Variants in CRTAC1 observed in about 807,000 individuals in gnomAD.
CRTAC1 encodes cartilage acidic protein 1, also known as acidic secreted protein in cartilage.
Under a neutral mutation model 67.8 loss-of-function variants are expected in CRTAC1, and 37 were observed. The ratio of observed to expected loss-of-function variants is 0.55; its 90% CI spans 0.42 to 0.72. CRTAC1 has a LOEUF of 0.72. Among genes scored for constraint, CRTAC1 ranks in the 30% least tolerant of loss-of-function variants. The pLI is 0.00. For missense variants in CRTAC1, 780 were observed against 931.6 expected (o/e 0.84, Z 2.12); for synonymous variants, 348 against 371.0 (o/e 0.94, Z 0.71).
intron 14 of CRTAC1, among the ~76,000 whole-genome samples, chr10:97,871,958 C>T (rs1277011188): frequency 6.6e-6 from 1 of 152,208 alleles, no homozygotes; most frequent in African/African-American, 2.4e-5. Context: ...CACCTGAGAA[C>T]AGTGCTGAGT....
intron 8 of CRTAC1, among the ~76,000 whole-genome samples, chr10:97,899,585 G>T (rs1181119495): frequency 6.6e-6 from 1 of 152,240 alleles, no homozygotes; most frequent in African/African-American, 2.4e-5. Flanking sequence ...TTGATCTTCT[G>T]CAATTTATCT....
At chr10:97,939,193 A>G (rs899399753) in intron 2 of CRTAC1, among the ~76,000 whole-genome samples, 1 of 152,122 alleles carries the variant, frequency 6.6e-6, no homozygotes, top group Admixed American at 6.5e-5. Flanking sequence ...CTCCTCACAT[A>G]TTGGAGTCCA....
At chr10:97,964,442 A>C (rs1484685238) in intron 2 of CRTAC1, among the ~76,000 whole-genome samples, 1 of 152,232 alleles carries the variant, frequency 6.6e-6, no homozygotes, top group Non-Finnish European at 1.5e-5. Flanking sequence ...AGAATGAATG[A>C]ATGAGCCCTT....
At chr10:97,936,014 C>A (rs2051080296) in intron 3 of CRTAC1, among the ~76,000 whole-genome samples, 156 bp downstream of exon 3, 1 of 152,130 alleles carries the variant, frequency 6.6e-6, no homozygotes, top group Admixed American at 6.5e-5. Flanking sequence ...ATAAGTCATT[C>A]TGGGACCCAG....
At chr10:97,952,123 C>G (rs999275664) in intron 2 of CRTAC1, among the ~76,000 whole-genome samples, 1 of 152,112 alleles carries the variant, frequency 6.6e-6, no homozygotes, top group Admixed American at 6.5e-5. Flanking sequence ...GAGGCCGAGG[C>G]GGGCAGATCA....
intron 2 of CRTAC1, among the ~76,000 whole-genome samples, chr10:97,991,405 C>T (rs576104522): frequency 3.1e-4 from 38 of 122,262 alleles, no homozygotes; most frequent in Non-Finnish European, 5.2e-4. Flanking sequence ...AGAGGGGAAC[C>T]CTGTCTTTTA....
chr10:98,008,603 G>GA (rs1328133212), intron 2 of CRTAC1, among the ~76,000 whole-genome samples: 1 of 152,150 alleles, frequency 6.6e-6, no homozygotes, highest in Admixed American at 6.5e-5. Context: ...TCCATGCTCT[G>GA]AAAGGCTTTC....
intron 11 of CRTAC1, among the ~76,000 whole-genome samples, chr10:97,889,351 C>T (rs1032594167): frequency 1.3e-5 from 2 of 151,638 alleles, no homozygotes; most frequent in Admixed American, 6.6e-5. Flanking sequence ...GGGGAGCCCT[C>T]GACCAGGGCC....
chr10:97,910,380 T>A (rs1328002756), intron 5 of CRTAC1, among the ~76,000 whole-genome samples: 1 of 152,164 alleles, frequency 6.6e-6, no homozygotes, highest in Non-Finnish European at 1.5e-5. Context: ...GTTGCAGGAA[T>A]GTCACCTGGG....
At chr10:98,023,802 TG>T (rs1282673968) in intron 1 of CRTAC1, among the ~76,000 whole-genome samples, 1 of 152,202 alleles carries the variant, frequency 6.6e-6, no homozygotes, top group Non-Finnish European at 1.5e-5. Flanking sequence ...CGCTCCCATG[TG>T]GGAAGGGAGG....
chr10:97,925,695 T>A (rs1418108545), intron 3 of CRTAC1, among the ~76,000 whole-genome samples: 1 of 22,944 alleles, frequency 4.4e-5, no homozygotes, highest in Non-Finnish European at 8.3e-5. Flanking sequence ...TGAGAGTGAG[T>A]GTGTGGGGGG....
intron 1 of CRTAC1, among the ~76,000 whole-genome samples, chr10:98,015,857 A>C (rs141013604): frequency 3.7e-4 from 57 of 152,298 alleles, no homozygotes; most frequent in African/African-American, 1.3e-3. Context: ...CATAAACTAC[A>C]CATCGAATAC....
intron 5 of CRTAC1, among the ~76,000 whole-genome samples, chr10:97,911,069 C>T (rs763572723): frequency 3.3e-5 from 5 of 152,212 alleles, no homozygotes; most frequent in Non-Finnish European, 5.9e-5. Context: ...GGCACCACCT[C>T]TGCCCATTAA....
At chr10:97,989,975 T>G (rs1303599524) in intron 2 of CRTAC1, among the ~76,000 whole-genome samples, 1 of 152,264 alleles carries the variant, frequency 6.6e-6, no homozygotes, top group African/African-American at 2.4e-5. Flanking sequence ...CATTCCCTCT[T>G]CTTTCAGTGA....
At chr10:97,959,822 C>T (rs1379613532) in intron 2 of CRTAC1, among the ~76,000 whole-genome samples, 3 of 152,174 alleles carry the variant, frequency 2.0e-5, no homozygotes, top group Non-Finnish European at 4.4e-5. Flanking sequence ...AGGTGCCTTC[C>T]CTATTGAGGT....
chr10:97,929,035 T>C (rs1484939435), intron 3 of CRTAC1, among the ~76,000 whole-genome samples: 4 of 151,332 alleles, frequency 2.6e-5, no homozygotes, highest in African/African-American at 9.7e-5. Flanking sequence ...TTGATCGGGA[T>C]GGGGAAGAAG....
intron 13 of CRTAC1, among the ~76,000 whole-genome samples, chr10:97,880,801 C>T (rs1378517009): frequency 2.0e-5 from 3 of 152,160 alleles, no homozygotes. Context: ...CCAGATTCTG[C>T]CCTGCCCTGC....
At chr10:97,969,533 T>G (rs938671568) in intron 2 of CRTAC1, among the ~76,000 whole-genome samples, 3 of 152,202 alleles carry the variant, frequency 2.0e-5, no homozygotes, top group African/African-American at 7.2e-5. Flanking sequence ...ATGATGACTC[T>G]TGAGATTAAA....
At chr10:97,941,031 C>T (rs557588821) in intron 2 of CRTAC1, among the ~76,000 whole-genome samples, 36 of 152,220 alleles carry the variant, frequency 2.4e-4, no homozygotes, top group Non-Finnish European at 4.1e-4. Flanking sequence ...TCCACTTTCC[C>T]GCTGCCTATT....
Sources: gnomAD v4.1 joint callset for allele counts (sites outside exome capture counted in the v4.1 genomes callset) on GRCh38, gnomAD v4.1.1 for gene constraint, MANE v1.5 for transcripts, NCBI Gene and HGNC (gene_info 2026-07-23, HGNC 2026-07-21) for gene names.